The following PRKD2 variants were observed in gnomAD, a reference collection of about 807,000 sequenced individuals.
PRKD2 encodes the protein protein kinase D2.
In PRKD2, 22 loss-of-function variants were observed where a neutral mutation model predicts 86.0. That is an observed-to-expected ratio of 0.26 (90% CI 0.18 to 0.37). The LOEUF (loss-of-function observed/expected upper bound fraction) is 0.37, where lower values mean the gene tolerates loss of function less well. Ranked by LOEUF, PRKD2 falls within the 10% of genes least tolerant of loss-of-function variation. PRKD2 has a pLI of 1.00. For missense variants in PRKD2, 818 were observed against 1,199.2 expected (o/e 0.68, Z 4.70); for synonymous variants, 509 against 510.9 (o/e 1.00, Z 0.05).
At chr19:46,694,219 T>C (rs1351334939) in intron 9 of PRKD2, 86 bp from the exon 10 acceptor site, 7 of 1,531,808 alleles carry the variant, frequency 4.6e-6, no homozygotes, top group South Asian at 2.5e-5. Flanking sequence ...ACGGGATCCA[T>C]GTTGATAGGG....
Position 46,697,193 on chromosome 19 carries a change from C to A in PRKD2, c.1281G>T (p.Thr427=), listed in dbSNP as rs377275428. The change falls in exon 9 of 18, where the codon ACG becomes ACT. Residue 427 remains threonine, a synonymous_variant. Coordinates refer to ENST00000291281, the MANE Select transcript of PRKD2 (RefSeq NM_016457.5). The part of the protein sequence containing the change: ...HYWRLDCKCI[T]LFQNNTTNRY... Reference sequence around the variant, plus strand: ...TGTTGGTCGTGTTGTTCTGGAAGAGCGTGATACACTTGCAGTCCAGGCGCC... The same window carrying A: ...TGTTGGTCGTGTTGTTCTGGAAGAGAGTGATACACTTGCAGTCCAGGCGCC... 7 of 1,599,904 alleles carry A rather than the reference C, an allele frequency of 4.4e-6. No homozygotes were observed. Among genetic ancestry groups the A allele is most frequent in the Middle Eastern group, 1.7e-4 (1 of 6,046 alleles).
intron 3 of PRKD2, among the ~76,000 whole-genome samples, chr19:46,708,971 G>GTTTTTTTTTT (rs796086305): frequency 2.2e-4 from 18 of 80,312 alleles, no homozygotes; most frequent in African/African-American, 6.1e-4. Flanking sequence ...GTTTGTTTGT[G>GTTTTTTTTTT]GTTTTTTTTT....
At chr19:46,707,790 C>T (rs1164849569) in intron 3 of PRKD2, among the ~76,000 whole-genome samples, 3 of 152,038 alleles carry the variant, frequency 2.0e-5, no homozygotes, top group Non-Finnish European at 4.4e-5. Context: ...CTTGAGACAT[C>T]TTGGCTTAAA....
intron 13 of PRKD2, 127 bp downstream of exon 13, chr19:46,690,473 C>T (rs1599821516): frequency 1.3e-6 from 1 of 769,232 alleles, no homozygotes; most frequent in East Asian, 2.6e-5. Flanking sequence ...CTGCTAAGAA[C>T]ACCTTCTCCC....
intron 5 of PRKD2, among the ~76,000 whole-genome samples, chr19:46,702,125 G>C (rs2053645788): frequency 6.9e-6 from 1 of 145,598 alleles, no homozygotes; most frequent in Non-Finnish European, 1.5e-5. Context: ...TGCAACCTCT[G>C]CCTCCCAGGC....
chr19:46,690,505 G>T, intron 13 of PRKD2, 95 bp downstream of exon 13: 1 of 1,058,122 alleles, frequency 9.5e-7, no homozygotes, highest in South Asian at 1.3e-5. Flanking sequence ...ACATGCACAT[G>T]CCCTCCCCCA....
intron 15 of PRKD2, among the ~76,000 whole-genome samples, chr19:46,679,682 T>C (rs927338467): frequency 3.9e-5 from 6 of 152,138 alleles, no homozygotes; most frequent in Non-Finnish European, 5.9e-5. Flanking sequence ...TGGAGTGCAG[T>C]AGCGTGATCT....
chr19:46,698,985 A>G lies in PRKD2; in HGVS notation c.1122-1135T>C, dbSNP rs548662020. ...GCATTCCCAGGAAAGACGTGGGAGA[A>G]AGGGAACCTGCGGCTTCAGGCTGCT... On this transcript the variant is annotated intron_variant, in intron 7 of 17. Transcript: ENST00000291281. Among the ~76,000 whole-genome samples, 9 of 152,234 alleles carry G rather than the reference A, an allele frequency of 5.9e-5. No individual in the cohort carries two copies. The South Asian group carries it at 1.2e-3, about 21-fold the overall frequency.
intron 3 of PRKD2, among the ~76,000 whole-genome samples, chr19:46,708,871 T>C (rs1236989568): frequency 1.3e-5 from 2 of 152,064 alleles, no homozygotes; most frequent in Non-Finnish European, 2.9e-5. Flanking sequence ...TGACAAGAGA[T>C]GGACCCTGAT....
At chr19:46,691,693 C>G in intron 12 of PRKD2, 42 bp downstream of exon 12, 1 of 1,601,012 alleles carries the variant, frequency 6.2e-7, no homozygotes, top group Non-Finnish European at 8.5e-7. Flanking sequence ...CAGCTTCCCC[C>G]AGCCCGGGGC....
intron 3 of PRKD2, 26 bp from the exon 4 acceptor site, chr19:46,704,675 G>A (rs781641113): frequency 3.2e-5 from 50 of 1,572,386 alleles, no homozygotes; most frequent in Non-Finnish European, 4.1e-5. Context: ...GAGAGTAAGA[G>A]ACATGGCGTC....
At chr19:46,707,274 G>T (rs1291332439) in intron 3 of PRKD2, among the ~76,000 whole-genome samples, 1 of 152,166 alleles carries the variant, frequency 6.6e-6, no homozygotes, top group Non-Finnish European at 1.5e-5. Context: ...GAACATCCAA[G>T]AATATGGCTC....
chr19:46,688,441 TA>T (rs112839826), intron 14 of PRKD2, among the ~76,000 whole-genome samples: 2,018 of 144,366 alleles, frequency 0.014, 49 homozygotes, highest in African/African-American at 0.044. Flanking sequence ...TTATTATTAT[TA>T]TTTTTTTTTT....
chr19:46,687,773 C>A (rs1370500564), intron 14 of PRKD2, among the ~76,000 whole-genome samples: 1 of 152,228 alleles, frequency 6.6e-6, no homozygotes, highest in African/African-American at 2.4e-5. Flanking sequence ...GTCCTCAACA[C>A]TGACCAGCAA....
chr19:46,692,267 T>G (rs554907207), intron 10 of PRKD2, among the ~76,000 whole-genome samples: 1 of 152,032 alleles, frequency 6.6e-6, no homozygotes, highest in South Asian at 2.1e-4. Flanking sequence ...TGCTGAGCAT[T>G]TTACCCCAGG....
At chr19:46,682,151 C>T (rs953087674) in intron 14 of PRKD2, among the ~76,000 whole-genome samples, 3 of 152,066 alleles carry the variant, frequency 2.0e-5, no homozygotes, top group South Asian at 2.1e-4. Flanking sequence ...GGATTACAGG[C>T]GCTGGCCACT....
Position 46,716,273 on chromosome 19 carries a change from G to A in PRKD2, c.98C>T (p.Pro33Leu). ...CGGGGCCGGGATCTGGGGCAGTAGC[G>A]GTGGCGGCGACTGCAGCTCTAGGCC... is the stretch of plus-strand genomic sequence containing the variant. The part of the protein sequence containing the change: ...PGGLELQSPP[P>L]LLPQIPAPGS... Residue 33 changes from proline to leucine, a missense_variant, in exon 1 of 18, where the codon CCG (proline) becomes CTG (leucine). Coordinates refer to ENST00000291281, the MANE Select transcript of PRKD2 (RefSeq NM_016457.5). This position sits in a 1 kb window ranked among gnomAD's most constrained non-coding sequence, Gnocchi z 7.9. 1.9e-6 allele frequency: 3 copies of A among 1,586,934 alleles called. No homozygotes were observed. The highest frequency in any genetic ancestry group is 1.7e-6 in the Non-Finnish European group (2 of 1,167,380).
chr19:46,684,389 T>C (rs2053364293), intron 14 of PRKD2, among the ~76,000 whole-genome samples: 1 of 152,174 alleles, frequency 6.6e-6, no homozygotes, highest in African/African-American at 2.4e-5. Context: ...CGGCATGACC[T>C]CGACTCACCA....
chr19:46,712,722 C>T (rs1389289667), intron 2 of PRKD2, among the ~76,000 whole-genome samples: 1 of 152,210 alleles, frequency 6.6e-6, no homozygotes, highest in South Asian at 2.1e-4. Flanking sequence ...GAGCCGGTTT[C>T]ACTGGGCACT....
Sources: allele counts gnomAD v4.1 joint callset (sites outside exome capture counted in the v4.1 genomes callset), GRCh38; gene constraint gnomAD v4.1.1; non-coding constraint Gnocchi (gnomAD v3.1); transcripts MANE v1.5; gene names NCBI Gene and HGNC (gene_info 2026-07-23, HGNC 2026-07-21).